The following CAMK1D variants were observed in gnomAD, a reference collection of about 807,000 sequenced individuals.
CAMK1D encodes calcium/calmodulin-dependent protein kinase type 1D.
In CAMK1D, 9 loss-of-function variants were observed where a neutral mutation model predicts 47.7. The ratio of observed to expected loss-of-function variants is 0.19; its 90% CI spans 0.11 to 0.33. CAMK1D has a LOEUF of 0.33. Among genes scored for constraint, CAMK1D ranks in the 10% least tolerant of loss-of-function variants. CAMK1D has a pLI of 1.00. For synonymous variants in CAMK1D, 184 were observed against 184.9 expected (o/e 0.99, Z 0.04); for missense variants, 291 against 488.7 (o/e 0.60, Z 3.81).
intron 1 of CAMK1D, among the ~76,000 whole-genome samples, chr10:12,511,802 C>T (rs1018548740): frequency 9.2e-5 from 14 of 152,224 alleles, no homozygotes; most frequent in African/African-American, 3.1e-4. Context: ...TGGATAGACA[C>T]GAGACTTTCT....
intron 1 of CAMK1D, among the ~76,000 whole-genome samples, chr10:12,536,349 G>A (rs980576541): frequency 6.6e-6 from 1 of 152,102 alleles, no homozygotes; most frequent in Non-Finnish European, 1.5e-5. Flanking sequence ...CGTGATCTTG[G>A]CTCACTGCAG....
At chr10:12,434,139 A>G (rs1018926309) in intron 1 of CAMK1D, among the ~76,000 whole-genome samples, 8 of 152,140 alleles carry the variant, frequency 5.3e-5, no homozygotes, top group Non-Finnish European at 1.2e-4. Flanking sequence ...CCTGGCTAAG[A>G]GCTCTCTTCC....
chr10:12,704,169 C>G (rs1833642183), intron 3 of CAMK1D, among the ~76,000 whole-genome samples: 1 of 151,924 alleles, frequency 6.6e-6, no homozygotes, highest in Admixed American at 6.5e-5. Context: ...ATATTCATCC[C>G]TTTTTTTCCA....
At chr10:12,565,531 G>C (rs1293710388) in intron 2 of CAMK1D, among the ~76,000 whole-genome samples, 1 of 152,234 alleles carries the variant, frequency 6.6e-6, no homozygotes, top group Admixed American at 6.5e-5. Context: ...TGGAATTACA[G>C]GCGTGAGCTG....
chr10:12,365,041 C>T (rs1837790164), intron 1 of CAMK1D, among the ~76,000 whole-genome samples: 1 of 151,904 alleles, frequency 6.6e-6, no homozygotes, highest in Non-Finnish European at 1.5e-5. Context: ...TCTGGAACCT[C>T]TGCCTCCCAG....
intron 1 of CAMK1D, among the ~76,000 whole-genome samples, chr10:12,420,769 T>C (rs1034994846): frequency 2.6e-5 from 4 of 152,140 alleles, no homozygotes; most frequent in Admixed American, 6.6e-5. Flanking sequence ...TCCACTTCTC[T>C]CCTATAAAAT....
At chr10:12,354,903 G>C (rs1225786027) in intron 1 of CAMK1D, among the ~76,000 whole-genome samples, 1 of 148,768 alleles carries the variant, frequency 6.7e-6, no homozygotes, top group Non-Finnish European at 1.5e-5. Context: ...GTGCGGTGGT[G>C]CGATCATAGC....
chr10:12,375,424 T>C (rs992905823), intron 1 of CAMK1D, among the ~76,000 whole-genome samples: 1 of 152,220 alleles, frequency 6.6e-6, no homozygotes, highest in Non-Finnish European at 1.5e-5. Flanking sequence ...GTAGATTAGC[T>C]GCAATGAGTG....
chr10:12,743,351 A>T, intron 3 of CAMK1D, among the ~76,000 whole-genome samples: 1 of 138,496 alleles, frequency 7.2e-6, no homozygotes, highest in African/African-American at 2.5e-5. Flanking sequence ...TGTCTCAAAA[A>T]AAAAAAAAGA....
At chr10:12,558,330 G>A (rs1250001690) in intron 2 of CAMK1D, among the ~76,000 whole-genome samples, 1 of 152,168 alleles carries the variant, frequency 6.6e-6, no homozygotes, top group Non-Finnish European at 1.5e-5. Context: ...GCTGTGGGTG[G>A]GTTGCTTGAG....
intron 1 of CAMK1D, among the ~76,000 whole-genome samples, chr10:12,446,063 G>T (rs1832915941): frequency 6.6e-6 from 1 of 152,132 alleles, no homozygotes; most frequent in African/African-American, 2.4e-5. Context: ...CAGTCTCTTT[G>T]CCTCAATTAT....
intron 4 of CAMK1D, among the ~76,000 whole-genome samples, chr10:12,767,898 G>T (rs1318991611): frequency 2.6e-5 from 4 of 152,182 alleles, no homozygotes; most frequent in Non-Finnish European, 2.9e-5. Context: ...TTGAGACGGA[G>T]TTTCACTCTT....
chr10:12,611,609 T>TTTTTTTG lies in CAMK1D; in HGVS notation c.225-55127_225-55126insTTTTTTG, dbSNP rs1554796845. On this transcript the variant is annotated intron_variant, in intron 2 of 10. Coordinates refer to ENST00000619168, the MANE Select transcript of CAMK1D (RefSeq NM_153498.4). ...ATGCCTTTTTTTTTTTTTTTTTTTT[T>TTTTTTTG]GAGACAGAGTCTTACTCTGTCTCCC... 8.0e-4 allele frequency among the ~76,000 whole-genome samples: 100 copies of TTTTTTTG among 124,762 alleles called. 5 individuals are homozygous for TTTTTTTG. The highest frequency in any genetic ancestry group is 1.1e-3 in the African/African-American group (35 of 32,090). 81.8% of individuals were successfully genotyped at this position (124,762 alleles called of 152,430 possible). A position where few individuals can be genotyped will look rare whatever the true frequency, so the allele number is the denominator to read the frequency against.
chr10:12,815,316 G>A (rs1444981968), intron 7 of CAMK1D, among the ~76,000 whole-genome samples: 2 of 152,174 alleles, frequency 1.3e-5, no homozygotes, highest in Non-Finnish European at 2.9e-5. Context: ...CTCTACCACA[G>A]AGCATAGCAG....
At chr10:12,502,328 G>C (rs939330437) in intron 1 of CAMK1D, among the ~76,000 whole-genome samples, 3 of 152,194 alleles carry the variant, frequency 2.0e-5, no homozygotes, top group African/African-American at 7.2e-5. Flanking sequence ...ATCAGGCGGT[G>C]ATGTACCGTG....
At chr10:12,753,802 C>G (rs1272161293) in intron 3 of CAMK1D, among the ~76,000 whole-genome samples, 1 of 152,346 alleles carries the variant, frequency 6.6e-6, no homozygotes, top group East Asian at 1.9e-4. Context: ...TCACTGGTTC[C>G]CCTTTTTCAG....
intron 2 of CAMK1D, among the ~76,000 whole-genome samples, chr10:12,642,278 GT>G (rs1839689023): frequency 6.6e-6 from 1 of 152,294 alleles, no homozygotes; most frequent in African/African-American, 2.4e-5. Context: ...GGAAGTCAGG[GT>G]CAAATGCCAT....
At chr10:12,548,922 C>T (rs1359693579) in intron 1 of CAMK1D, among the ~76,000 whole-genome samples, 2 of 151,746 alleles carry the variant, frequency 1.3e-5, no homozygotes, top group African/African-American at 2.4e-5. Flanking sequence ...TAGGCGCGAT[C>T]TCAGCTCACT....
At chr10:12,747,696 G>A (rs1409614858) in intron 3 of CAMK1D, among the ~76,000 whole-genome samples, 2 of 152,150 alleles carry the variant, frequency 1.3e-5, no homozygotes, top group African/African-American at 4.8e-5. Flanking sequence ...AAGATCTGCA[G>A]GTGGCAAGCT....
Sources: allele counts gnomAD v4.1 joint callset (sites outside exome capture counted in the v4.1 genomes callset), GRCh38; gene constraint gnomAD v4.1.1; transcripts MANE v1.5; gene names NCBI Gene and HGNC (gene_info 2026-07-23, HGNC 2026-07-21).